SMYD3: variants seen among roughly 807,000 people sequenced by gnomAD.
SMYD3 encodes the protein histone-lysine N-methyltransferase SMYD3.
In SMYD3, 36 loss-of-function variants were observed where a neutral mutation model predicts 57.7. The observed-to-expected ratio is 0.62, with a 90% CI of 0.48 to 0.82. SMYD3 has a LOEUF of 0.82. Ranked by LOEUF, SMYD3 falls within the 40% of genes least tolerant of loss-of-function variation. The pLI, the probability that SMYD3 is intolerant of heterozygous loss-of-function variation, is 0.00. For synonymous variants in SMYD3, 211 were observed against 195.0 expected (o/e 1.08, Z -0.68); for missense variants, 515 against 538.8 (o/e 0.96, Z 0.44).
At chr1:246,444,985 T>C (rs2067531761) in intron 1 of SMYD3, among the ~76,000 whole-genome samples, 1 of 152,206 alleles carries the variant, frequency 6.6e-6, no homozygotes, top group Non-Finnish European at 1.5e-5. Context: ...TGACTTTAAA[T>C]AAATTTCTTT....
intron 5 of SMYD3, among the ~76,000 whole-genome samples, chr1:246,169,255 C>T (rs978596182): frequency 1.3e-5 from 2 of 151,532 alleles, no homozygotes; most frequent in African/African-American, 4.9e-5. Flanking sequence ...CACACTGCAA[C>T]GAATAGATAG....
intron 10 of SMYD3, among the ~76,000 whole-genome samples, chr1:245,831,122 C>CA (rs2049807673): frequency 6.6e-6 from 1 of 152,200 alleles, no homozygotes; most frequent in Non-Finnish European, 1.5e-5. Flanking sequence ...GTGTGAATGA[C>CA]AGATTCCCCA....
intron 5 of SMYD3, among the ~76,000 whole-genome samples, chr1:246,165,188 T>C (rs151269473): frequency 6.6e-6 from 1 of 152,276 alleles, no homozygotes; most frequent in Admixed American, 6.5e-5. Context: ...TACAGCAGTT[T>C]CAATTGAGTT....
chr1:246,155,931 G>C (rs948758292), intron 5 of SMYD3, among the ~76,000 whole-genome samples: 1 of 151,972 alleles, frequency 6.6e-6, no homozygotes, highest in Non-Finnish European at 1.5e-5. Context: ...AGGTTGCAAT[G>C]AGCCAAGATT....
intron 1 of SMYD3, among the ~76,000 whole-genome samples, chr1:246,474,049 A>T (rs900514263): frequency 1.3e-5 from 2 of 152,264 alleles, no homozygotes; most frequent in South Asian, 2.1e-4. Context: ...ATTTATTTTT[A>T]ATCTAATCCT....
intron 5 of SMYD3, among the ~76,000 whole-genome samples, chr1:245,985,783 C>T (rs1053436998): frequency 2.0e-5 from 3 of 152,114 alleles, no homozygotes; most frequent in African/African-American, 7.2e-5. Context: ...ATTTTATTCC[C>T]TCTGCTTGGA....
At chr1:246,018,710 A>G (rs568086098) in intron 5 of SMYD3, among the ~76,000 whole-genome samples, 2 of 151,588 alleles carry the variant, frequency 1.3e-5, no homozygotes, top group Non-Finnish European at 2.9e-5. Context: ...GGCTCATGCA[A>G]TCTTCCTGCC....
intron 1 of SMYD3, among the ~76,000 whole-genome samples, chr1:246,483,039 T>C (rs1016158016): frequency 2.0e-5 from 3 of 152,214 alleles, no homozygotes; most frequent in Admixed American, 1.3e-4. Context: ...TGCCCCTCTC[T>C]TGAACCTAAA....
Position 246,385,819 on chromosome 1 carries a change from C to T in SMYD3, c.165-30725G>A, listed in dbSNP as rs114475571. ...TAGGTCTGAAAGTGGGGCTTTTCTG[C>T]ACTTGTAACAAGCTTCCAGGTGATG... On this transcript the variant is annotated intron_variant, in intron 1 of 11. Coordinates refer to ENST00000490107, the MANE Select transcript of SMYD3 (RefSeq NM_001167740.2). 6.5e-3 allele frequency among the ~76,000 whole-genome samples: 988 copies of T among 152,256 alleles called. 14 individuals are homozygous for T. The highest frequency in any genetic ancestry group is 0.022 in the African/African-American group (922 of 41,532).
At chr1:246,031,641 G>C (rs879370617) in intron 5 of SMYD3, among the ~76,000 whole-genome samples, 5 of 151,800 alleles carry the variant, frequency 3.3e-5, no homozygotes, top group Admixed American at 6.6e-5. Context: ...GGAGGCTGAG[G>C]CAGGAGAATC....
chr1:246,435,142 A>G (rs999438933), intron 1 of SMYD3, among the ~76,000 whole-genome samples: 2 of 152,208 alleles, frequency 1.3e-5, no homozygotes, highest in African/African-American at 4.8e-5. Flanking sequence ...GACGGCAACA[A>G]TAGACACTGG....
intron 5 of SMYD3, among the ~76,000 whole-genome samples, chr1:246,145,655 A>G (rs746519869): frequency 6.6e-6 from 1 of 152,244 alleles, no homozygotes; most frequent in Non-Finnish European, 1.5e-5. Context: ...TGTAACATTC[A>G]GTAAGTAGCG....
At chr1:246,047,657 T>C (rs947503013) in intron 5 of SMYD3, among the ~76,000 whole-genome samples, 3 of 152,042 alleles carry the variant, frequency 2.0e-5, no homozygotes, top group African/African-American at 7.2e-5. Flanking sequence ...GGCAACATGA[T>C]GAAACTACAT....
chr1:246,157,269 T>C (rs932739580), intron 5 of SMYD3, among the ~76,000 whole-genome samples: 1 of 152,104 alleles, frequency 6.6e-6, no homozygotes, highest in African/African-American at 2.4e-5. Context: ...CTACTCACAG[T>C]TTATAGATGA....
intron 5 of SMYD3, among the ~76,000 whole-genome samples, chr1:246,247,592 C>CT (rs1006538289): frequency 1.3e-5 from 2 of 151,190 alleles, no homozygotes; most frequent in Non-Finnish European, 2.9e-5. Context: ...AGTTTCTTCT[C>CT]TTTTTTCCGC....
At chr1:246,485,775 G>A (rs2068178608) in intron 1 of SMYD3, among the ~76,000 whole-genome samples, 1 of 152,168 alleles carries the variant, frequency 6.6e-6, no homozygotes, top group Admixed American at 6.5e-5. Context: ...GGGCAACAGA[G>A]CAACACTCTG....
intron 1 of SMYD3, among the ~76,000 whole-genome samples, chr1:246,445,789 T>G (rs555212137): frequency 1.5e-3 from 229 of 152,030 alleles, no homozygotes; most frequent in Admixed American, 2.6e-3. Context: ...TTAGACTTAA[T>G]TCTTATAAAC....
At chr1:245,786,910 T>C (rs2047067486) in intron 10 of SMYD3, among the ~76,000 whole-genome samples, 1 of 152,068 alleles carries the variant, frequency 6.6e-6, no homozygotes, top group Non-Finnish European at 1.5e-5. Context: ...TCAAAGAAAA[T>C]TGAGAAATAT....
chr1:246,159,553 T>C (rs80144912), intron 5 of SMYD3, among the ~76,000 whole-genome samples: 1,950 of 152,056 alleles, frequency 0.013, 35 homozygotes, highest in African/African-American at 0.044. Context: ...ATGGGCCTTT[T>C]GTAGCCCCGA....
Sources: gnomAD v4.1 joint callset for allele counts (sites outside exome capture counted in the v4.1 genomes callset) on GRCh38, gnomAD v4.1.1 for gene constraint, MANE v1.5 for transcripts, NCBI Gene and HGNC (gene_info 2026-07-23, HGNC 2026-07-21) for gene names.